JHY: variants seen among roughly 807,000 people sequenced by gnomAD.
JHY encodes junctional cadherin complex regulator, also known as jhy protein homolog.
A neutral mutation model predicts 78.0 loss-of-function variants in JHY; 69 were observed. The ratio of observed to expected loss-of-function variants is 0.88; its 90% CI spans 0.73 to 1.08. The LOEUF is 1.08. Among genes scored for constraint, JHY ranks in the 50% least tolerant of loss-of-function variants. JHY has a pLI of 0.00. For missense variants in JHY, 944 were observed against 927.8 expected (o/e 1.02, Z -0.23); for synonymous variants, 368 against 342.6 (o/e 1.07, Z -0.82).
chr11:122,910,061 A>G (rs1863080057), intron 3 of JHY, among the ~76,000 whole-genome samples: 2 of 152,080 alleles, frequency 1.3e-5, no homozygotes, highest in Admixed American at 1.3e-4. Context: ...GTTATGGTAC[A>G]TCCATACGGT....
At chr11:122,915,512 A>G (rs1275886391) in intron 3 of JHY, among the ~76,000 whole-genome samples, 1 of 151,984 alleles carries the variant, frequency 6.6e-6, no homozygotes, top group South Asian at 2.1e-4. Context: ...TTTTGTTTTT[A>G]TTTTTGTTTG....
intron 3 of JHY, among the ~76,000 whole-genome samples, chr11:122,918,199 C>G (rs916949103): frequency 7.3e-5 from 11 of 151,604 alleles, no homozygotes; most frequent in Admixed American, 7.2e-4. Flanking sequence ...CTGTGTCCAG[C>G]CTAGCATACA....
At chr11:122,944,758 T>A (rs777860916) in intron 5 of JHY, among the ~76,000 whole-genome samples, 1 of 152,204 alleles carries the variant, frequency 6.6e-6, no homozygotes, top group Non-Finnish European at 1.5e-5. Context: ...TTTATTTTAC[T>A]ATTTTGAATT....
chr11:122,888,261 G>A (rs1862537422), intron 2 of JHY, among the ~76,000 whole-genome samples: 1 of 152,208 alleles, frequency 6.6e-6, no homozygotes, highest in Admixed American at 6.5e-5. Context: ...GCAGTGAGAT[G>A]CAGCAGCGTT....
At chr11:122,884,973 TA>T (rs1324874766) in intron 1 of JHY, among the ~76,000 whole-genome samples, 3 of 136,382 alleles carry the variant, frequency 2.2e-5, no homozygotes, top group East Asian at 4.8e-4. Flanking sequence ...TAATTTTTTG[TA>T]TTTTTTTTTT....
chr11:122,904,743 A>G (rs1270860214), intron 3 of JHY, among the ~76,000 whole-genome samples: 2 of 152,206 alleles, frequency 1.3e-5, no homozygotes, highest in Non-Finnish European at 2.9e-5. Context: ...GTCCATTGTT[A>G]TGTCAGTTAT....
intron 2 of JHY, among the ~76,000 whole-genome samples, chr11:122,899,623 A>G (rs185538009): frequency 1.1e-4 from 17 of 152,394 alleles, no homozygotes; most frequent in African/African-American, 3.8e-4. Context: ...ATACTAGGGC[A>G]GAAGTTAGGA....
chr11:122,924,750 G>A (rs1053925595), intron 3 of JHY, 147 bp from the exon 4 acceptor site: 3 of 602,174 alleles, frequency 5.0e-6, no homozygotes, highest in Non-Finnish European at 8.9e-6. Context: ...TCAGGTCCCT[G>A]AGGACTGATG....
At chr11:122,896,645 ATAAGT>A (rs891016736) in intron 2 of JHY, among the ~76,000 whole-genome samples, 8 of 152,138 alleles carry the variant, frequency 5.3e-5, no homozygotes, top group African/African-American at 1.7e-4. Flanking sequence ...TGCCCTGGAA[ATAAGT>A]TAAGCCCTGG....
chr11:122,932,223 G>T (rs1047277810), intron 4 of JHY, among the ~76,000 whole-genome samples: 1 of 152,164 alleles, frequency 6.6e-6, no homozygotes, highest in African/African-American at 2.4e-5. Flanking sequence ...CAAGTAGGCT[G>T]CTTGGAAGGT....
chr11:122,903,135 G>T (rs1178952122), intron 2 of JHY, among the ~76,000 whole-genome samples: 2 of 152,170 alleles, frequency 1.3e-5, no homozygotes, highest in Non-Finnish European at 2.9e-5. Context: ...TTACAATATT[G>T]TAGGACCTCA....
In JHY at chr11:122,934,739, A is replaced by G; in HGVS notation, c.1298A>G (p.His433Arg). Residue 433 changes from histidine (H) to arginine (R), a missense_variant, in exon 5 of 9, where the codon CAC becomes CGC. His to Arg is a conservative substitution (Grantham distance 29, BLOSUM62 0). Coordinates refer to ENST00000227349, the MANE Select transcript of JHY (RefSeq NM_024806.4). The stretch of plus-strand genomic sequence containing the variant: ...CAAGCCTCAAGGGCACTTAGAAGCC[A>G]CAATCTCAAAGAAACCTCCAATACA... ...DVQASRALRS[H>R]NLKETSNTFA... 6.2e-7 allele frequency: 1 copy of G among 1,614,230 alleles called. No homozygotes were observed. Among genetic ancestry groups the G allele is most frequent in the Non-Finnish European group, 8.5e-7 (1 of 1,180,034 alleles).
intron 4 of JHY, chr11:122,927,095 C>T (rs1863524223): frequency 6.6e-6 from 1 of 152,174 alleles, no homozygotes. Flanking sequence ...TTATTGCTAA[C>T]TGAAAACTTT....
chr11:122,909,073 A>G (rs1863055828), intron 3 of JHY, among the ~76,000 whole-genome samples: 1 of 152,198 alleles, frequency 6.6e-6, no homozygotes, highest in Non-Finnish European at 1.5e-5. Flanking sequence ...CTTGTTAATA[A>G]AAGTTAACAA....
At chr11:122,938,681 A>G (rs1863808062) in intron 5 of JHY, among the ~76,000 whole-genome samples, 1 of 151,992 alleles carries the variant, frequency 6.6e-6, no homozygotes, top group South Asian at 2.1e-4. Context: ...GCAATTCTTG[A>G]TCATCTTCTC....
Position 122,946,378 on chromosome 11 carries a change from ATTAAT to A in JHY, c.1635-117_1635-113del, listed in dbSNP as rs1046908440. 4.7e-5 allele frequency: 51 copies of A among 1,084,314 alleles called. No homozygotes were observed. In the African/African-American group the frequency reaches 6.9e-4, roughly 15 times the overall value. 67.2% of individuals were successfully genotyped at this position (1,084,314 alleles called of 1,614,324 possible). On this transcript the variant is annotated intron_variant, in intron 5 of 8. Transcript: ENST00000227349. ...TCATGAAAAGATTAAGCTAAAGGTCATTAATTTGATTTGAGAGTGATAAATACATC... is the reference window on the plus strand; with the variant it reads ...TCATGAAAAGATTAAGCTAAAGGTCATTGATTTGAGAGTGATAAATACATC...
At chr11:122,902,626 A>T (rs1263455882) in intron 2 of JHY, among the ~76,000 whole-genome samples, 1 of 152,192 alleles carries the variant, frequency 6.6e-6, no homozygotes, top group Non-Finnish European at 1.5e-5. Context: ...TTGGTTTCTA[A>T]GGAAACCTCG....
chr11:122,935,149 G>T lies in JHY; in HGVS notation c.1634+74G>T. 7.6e-7 allele frequency: 1 copy of T among 1,311,576 alleles called. No homozygotes were observed. Among genetic ancestry groups the T allele is most frequent in the Non-Finnish European group, 1.0e-6 (1 of 964,626 alleles). The allele number at this position is 1,311,576 out of a possible 1,614,324, so 81.2% of individuals were successfully genotyped here. A position where few individuals can be genotyped will look rare whatever the true frequency, so the allele number is the denominator to read the frequency against. Reference sequence around the variant, plus strand: ...CTGCTGCAGAAAGACGGGAGAGGAAGAAGGGGAAGGGGAATCCATAAGGTG... The same window carrying T: ...CTGCTGCAGAAAGACGGGAGAGGAATAAGGGGAAGGGGAATCCATAAGGTG... On this transcript the variant is annotated intron_variant, in intron 5 of 8. Transcript: ENST00000227349. The surrounding 1 kb of genome is among the most constrained non-coding windows in gnomAD (Gnocchi z 4.5).
chr11:122,936,978 TG>T, intron 5 of JHY, among the ~76,000 whole-genome samples: 1 of 152,320 alleles, frequency 6.6e-6, no homozygotes, highest in East Asian at 1.9e-4. Context: ...CTAAAACTAT[TG>T]GGCCATTGGT....
Sources: allele counts gnomAD v4.1 joint callset (sites outside exome capture counted in the v4.1 genomes callset), GRCh38; gene constraint gnomAD v4.1.1; non-coding constraint Gnocchi (gnomAD v3.1); transcripts MANE v1.5; gene names NCBI Gene and HGNC (gene_info 2026-07-23, HGNC 2026-07-21).